NIBAN1: variants seen among roughly 807,000 people sequenced by gnomAD.
The protein encoded by NIBAN1 is protein Niban 1.
Under a neutral mutation model 75.1 loss-of-function variants are expected in NIBAN1, and 81 were observed. The ratio of observed to expected loss-of-function variants is 1.08; its 90% CI spans 0.90 to 1.30. The LOEUF (loss-of-function observed/expected upper bound fraction) is 1.30, where lower values mean the gene tolerates loss of function less well. NIBAN1 is among the 50% of genes most tolerant of loss of function. The pLI, the probability that NIBAN1 is intolerant of heterozygous loss-of-function variation, is 0.00. For synonymous variants in NIBAN1, 436 were observed against 424.8 expected (o/e 1.03, Z -0.32); for missense variants, 1,133 against 1,128.1 (o/e 1.00, Z -0.06).
chr1:184,846,853 C>T lies in NIBAN1; in HGVS notation c.602-14891G>A, dbSNP rs1191460871. Among the ~76,000 whole-genome samples the T allele has an allele frequency of 9.0e-5, 3 of 33,382 alleles. 1 individual carries two copies. In the East Asian group the frequency reaches 1.8e-3, roughly 20 times the overall value. 21.9% of individuals were successfully genotyped at this position (33,382 alleles called of 152,430 possible). ...CAGAAGCCTCAGGAGCTGATGCGATCAACTGGAAGAAAGGGTATCAGCAAT... is the reference window on the plus strand; with the variant it reads ...CAGAAGCCTCAGGAGCTGATGCGATTAACTGGAAGAAAGGGTATCAGCAAT... On this transcript the variant is annotated intron_variant, in intron 5 of 13. Coordinates refer to ENST00000367511, the MANE Select transcript of NIBAN1 (RefSeq NM_052966.4).
intron 4 of NIBAN1, among the ~76,000 whole-genome samples, chr1:184,887,300 A>G (rs1197000310): frequency 6.6e-6 from 1 of 152,198 alleles, no homozygotes; most frequent in Admixed American, 6.5e-5. Context: ...TCAACATGAA[A>G]ACGAGCAAAT....
At chr1:184,899,769 C>T (rs1366579415) in intron 1 of NIBAN1, among the ~76,000 whole-genome samples, 1 of 151,632 alleles carries the variant, frequency 6.6e-6, no homozygotes, top group Non-Finnish European at 1.5e-5. Context: ...AATGATAATC[C>T]CAGGTCTATG....
At chr1:184,895,326 A>G (rs1656770411) in intron 2 of NIBAN1, among the ~76,000 whole-genome samples, 1 of 152,144 alleles carries the variant, frequency 6.6e-6, no homozygotes, top group South Asian at 2.1e-4. Flanking sequence ...CACTTAATCA[A>G]CTGATAAGCT....
At chr1:184,825,191 T>C (rs1275725350) in intron 6 of NIBAN1, among the ~76,000 whole-genome samples, 2 of 152,224 alleles carry the variant, frequency 1.3e-5, no homozygotes, top group East Asian at 3.8e-4. Flanking sequence ...AAAGTCAAGA[T>C]TGGCTCATGA....
In NIBAN1 at chr1:184,830,893, G is replaced by A. The variant is rs375691111; in HGVS notation, c.717+954C>T. ...CATGCATCTGTAGTCCCAGCTACTC[G>A]GGAGGCTGAGGCAGAAGAATCGCTT... is the stretch of plus-strand genomic sequence containing the variant. On this transcript the variant is annotated intron_variant, in intron 6 of 13. Transcript: ENST00000367511. 8.2e-4 allele frequency among the ~76,000 whole-genome samples: 124 copies of A among 151,902 alleles called. 1 individual carries two copies. The highest frequency in any genetic ancestry group is 2.8e-3 in the African/African-American group (114 of 41,414).
intron 1 of NIBAN1, among the ~76,000 whole-genome samples, chr1:184,899,775 C>T (rs1419703005): frequency 2.7e-5 from 4 of 147,778 alleles, no homozygotes; most frequent in Non-Finnish European, 6.0e-5. Flanking sequence ...AATCCCAGGT[C>T]TATGCCTTCA....
chr1:184,838,028 G>A (rs2102246365), intron 5 of NIBAN1, among the ~76,000 whole-genome samples: 1 of 152,242 alleles, frequency 6.6e-6, no homozygotes, highest in Middle Eastern at 3.4e-3. Flanking sequence ...TCCGACTGGT[G>A]CAAATTATAC....
At chr1:184,817,442 C>T (rs544334995) in intron 9 of NIBAN1, among the ~76,000 whole-genome samples, 6 of 152,338 alleles carry the variant, frequency 3.9e-5, no homozygotes, top group East Asian at 1.9e-4. Context: ...CCTGAGGAAT[C>T]GCCACACTGT....
chr1:184,831,515 A>G (rs935244493), intron 6 of NIBAN1, among the ~76,000 whole-genome samples: 1 of 152,216 alleles, frequency 6.6e-6, no homozygotes, highest in African/African-American at 2.4e-5. Flanking sequence ...TGCACTTCGC[A>G]CTATTCCTCG....
chr1:184,920,544 C>G (rs1380891206), intron 1 of NIBAN1, among the ~76,000 whole-genome samples: 1 of 152,156 alleles, frequency 6.6e-6, no homozygotes, highest in Non-Finnish European at 1.5e-5. Flanking sequence ...TCCCTTCACC[C>G]TTCCCAGCTT....
intron 1 of NIBAN1, among the ~76,000 whole-genome samples, chr1:184,946,411 T>C (rs562103230): frequency 6.6e-6 from 1 of 152,274 alleles, no homozygotes; most frequent in African/African-American, 2.4e-5. Flanking sequence ...TGCTAAACTA[T>C]TGTTAACCTG....
At chr1:184,903,326 T>A (rs4651237) in intron 1 of NIBAN1, among the ~76,000 whole-genome samples, 1 of 152,018 alleles carries the variant, frequency 6.6e-6, no homozygotes, top group South Asian at 2.1e-4. Context: ...CCTAAGCTGC[T>A]CATAACACCC....
chr1:184,855,010 T>C (rs1046743228), intron 5 of NIBAN1, among the ~76,000 whole-genome samples: 1 of 152,194 alleles, frequency 6.6e-6, no homozygotes, highest in Non-Finnish European at 1.5e-5. Context: ...ATTTCCTATG[T>C]TGGTGTGTTA....
At chr1:184,967,316 A>T (rs552485380) in intron 1 of NIBAN1, among the ~76,000 whole-genome samples, 2 of 151,476 alleles carry the variant, frequency 1.3e-5, no homozygotes, top group Non-Finnish European at 2.9e-5. Context: ...TTGTGCTTTT[A>T]TTCTCCTGTC....
chr1:184,833,378 C>A (rs566289737), intron 5 of NIBAN1, among the ~76,000 whole-genome samples: 50 of 151,498 alleles, frequency 3.3e-4, no homozygotes, highest in African/African-American at 1.1e-3. Context: ...AGTGAGGATA[C>A]CACGAAGTCC....
At chr1:184,879,376 G>A (rs1263987895) in intron 5 of NIBAN1, among the ~76,000 whole-genome samples, 1 of 152,106 alleles carries the variant, frequency 6.6e-6, no homozygotes, top group Admixed American at 6.5e-5. Flanking sequence ...ATATGTGCAT[G>A]TCCATAAACA....
intron 1 of NIBAN1, among the ~76,000 whole-genome samples, chr1:184,973,779 C>A (rs1658996793): frequency 1.3e-5 from 2 of 152,236 alleles, no homozygotes; most frequent in African/African-American, 4.8e-5. Flanking sequence ...GTCCTTTTTG[C>A]CGCTGATGAA....
At chr1:184,972,961 A>G (rs982891090) in intron 1 of NIBAN1, among the ~76,000 whole-genome samples, 3 of 152,240 alleles carry the variant, frequency 2.0e-5, no homozygotes, top group African/African-American at 4.8e-5. Context: ...GCTAACATTC[A>G]AATGCAAGCC....
At chr1:184,923,505 C>T (rs890514656) in intron 1 of NIBAN1, among the ~76,000 whole-genome samples, 6 of 152,114 alleles carry the variant, frequency 3.9e-5, no homozygotes, top group Admixed American at 3.9e-4. Flanking sequence ...TGTGATTCCT[C>T]CAGTTTTGTT....
Sources: gnomAD v4.1 joint callset for allele counts (sites outside exome capture counted in the v4.1 genomes callset) on GRCh38, gnomAD v4.1.1 for gene constraint, MANE v1.5 for transcripts, NCBI Gene and HGNC (gene_info 2026-07-23, HGNC 2026-07-21) for gene names.